ADAMTSL3: variants seen among roughly 807,000 people sequenced by gnomAD.
The protein encoded by ADAMTSL3 is ADAMTS like 3.
Under a neutral mutation model 201.7 loss-of-function variants are expected in ADAMTSL3, and 128 were observed. The observed-to-expected ratio is 0.63, with a 90% confidence interval of 0.55 to 0.73. The LOEUF (loss-of-function observed/expected upper bound fraction) is 0.73, where lower values mean the gene tolerates loss of function less well. Among genes scored for constraint, ADAMTSL3 ranks in the 30% least tolerant of loss-of-function variants. The pLI, the probability that ADAMTSL3 is intolerant of heterozygous loss-of-function variation, is 0.00. For missense variants in ADAMTSL3, 1,990 were observed against 2,119.6 expected, an observed-to-expected ratio of 0.94 and a Z score of 1.20; for synonymous variants, 738 against 748.4, an observed-to-expected ratio of 0.99 and a Z score of 0.23.
At chr15:83,856,099 G>A (rs558640497) in intron 7 of ADAMTSL3, among the ~76,000 whole-genome samples, 2 of 150,852 alleles carry the variant, frequency 1.3e-5, no homozygotes, top group East Asian at 2.0e-4. Flanking sequence ...TTTCAAAAAC[G>A]ATGAGCTGTT....
rs2068036041 is a variant in ADAMTSL3, at chr15:84,013,338, G to A, written c.3974-1204G>A. Among the ~76,000 whole-genome samples, 3 of 152,200 alleles carry A rather than the reference G, an allele frequency of 2.0e-5. No individual in the cohort carries two copies. The South Asian group carries it at 6.2e-4, about 32-fold the overall frequency. On this transcript the variant is annotated intron_variant, in intron 23 of 29. Transcript: ENST00000286744. ...GGAGCACGCATTTTGCCTACTGTAAGGTGTGTTGCACATGTCATGATAATA... is the reference window on the plus strand; with the variant it reads ...GGAGCACGCATTTTGCCTACTGTAAAGTGTGTTGCACATGTCATGATAATA...
At chr15:83,767,825 G>T (rs1311498667) in intron 3 of ADAMTSL3, among the ~76,000 whole-genome samples, 1 of 152,190 alleles carries the variant, frequency 6.6e-6, no homozygotes, top group Admixed American at 6.5e-5. Flanking sequence ...CTCCAAGTCT[G>T]ATTAGTTGGC....
chr15:83,677,186 C>T (rs1017639036), intron 2 of ADAMTSL3, among the ~76,000 whole-genome samples: 1 of 152,120 alleles, frequency 6.6e-6, no homozygotes, highest in Admixed American at 6.5e-5. Context: ...TGTTTTGTGT[C>T]CAATAATATG....
At chr15:83,948,386 G>T (rs972125793) in intron 19 of ADAMTSL3, among the ~76,000 whole-genome samples, 13 of 145,838 alleles carry the variant, frequency 8.9e-5, no homozygotes, top group Non-Finnish European at 1.8e-4. Context: ...ACATTTACCA[G>T]CACACAAGTG....
chr15:83,804,715 T>C lies in ADAMTSL3; in HGVS notation c.363+20T>C. 3.9e-6 allele frequency: 6 copies of C among 1,555,760 alleles called. No individual in the cohort carries two copies. The highest frequency in any genetic ancestry group is 5.2e-6 in the Non-Finnish European group (6 of 1,146,054). On this transcript the variant is annotated intron_variant, in intron 5 of 29. Transcript: ENST00000286744. ...AATCATGTAAGTCATAAAATAAAAT[T>C]ATTTTATCCAATACAATATGTGCTT...
intron 23 of ADAMTSL3, among the ~76,000 whole-genome samples, chr15:84,005,870 T>C (rs2067885340): frequency 6.6e-6 from 1 of 152,212 alleles, no homozygotes; most frequent in Non-Finnish European, 1.5e-5. Flanking sequence ...ATGAGTTTAC[T>C]AGAGAAAAGA....
intron 19 of ADAMTSL3, among the ~76,000 whole-genome samples, chr15:83,949,455 C>T (rs193196893): frequency 4.2e-4 from 64 of 152,142 alleles, no homozygotes; most frequent in African/African-American, 1.4e-3. Context: ...ATTGTGAATA[C>T]GGCTGTGGTA....
chr15:83,849,207 G>A (rs2064560233), intron 7 of ADAMTSL3, among the ~76,000 whole-genome samples: 2 of 152,136 alleles, frequency 1.3e-5, no homozygotes, highest in Admixed American at 1.3e-4. Context: ...GCTCACTGCA[G>A]CCTCGACCTT....
At chr15:83,792,810 A>G (rs1378178768) in intron 4 of ADAMTSL3, among the ~76,000 whole-genome samples, 1 of 151,306 alleles carries the variant, frequency 6.6e-6, no homozygotes, top group Non-Finnish European at 1.5e-5. Context: ...AAAAAAAATC[A>G]TATGATCCAG....
intron 25 of ADAMTSL3, 139 bp downstream of exon 25, chr15:84,016,638 C>T: frequency 1.4e-6 from 1 of 711,064 alleles, no homozygotes; most frequent in South Asian, 2.0e-5. Context: ...TTTTTCTTGA[C>T]CCTCAGTCTT....
At chr15:83,672,758 T>C (rs949787812) in intron 2 of ADAMTSL3, among the ~76,000 whole-genome samples, 5 of 152,152 alleles carry the variant, frequency 3.3e-5, no homozygotes, top group Non-Finnish European at 7.3e-5. Context: ...GGTGGGACAT[T>C]TGCAACGTTG....
intron 7 of ADAMTSL3, among the ~76,000 whole-genome samples, chr15:83,844,099 C>T (rs1196658379): frequency 1.1e-4 from 16 of 152,186 alleles, no homozygotes; most frequent in Non-Finnish European, 1.5e-5. Context: ...TCAGGGCACA[C>T]GTGTGTGAGG....
intron 2 of ADAMTSL3, among the ~76,000 whole-genome samples, chr15:83,657,738 G>C (rs762523034): frequency 3.3e-5 from 5 of 152,212 alleles, no homozygotes; most frequent in Admixed American, 6.5e-5. Flanking sequence ...AGAGCCTGTA[G>C]GGGGCACTCA....
chr15:83,679,624 A>G (rs776080092), intron 2 of ADAMTSL3, among the ~76,000 whole-genome samples: 6 of 152,144 alleles, frequency 3.9e-5, no homozygotes, highest in Non-Finnish European at 5.9e-5. Flanking sequence ...ACAGTAGTTC[A>G]GTTCTCAAAC....
intron 16 of ADAMTSL3, among the ~76,000 whole-genome samples, chr15:83,919,029 C>A (rs1437724797): frequency 6.6e-6 from 1 of 152,156 alleles, no homozygotes; most frequent in African/African-American, 2.4e-5. Context: ...AGACTATTTT[C>A]TGAGCTGGTG....
chr15:83,894,697 T>A (rs976306805), intron 13 of ADAMTSL3, among the ~76,000 whole-genome samples: 6 of 152,136 alleles, frequency 3.9e-5, no homozygotes, highest in Non-Finnish European at 7.4e-5. Flanking sequence ...ATTCTACTTC[T>A]CTCCAAGAAA....
At chr15:83,661,275 G>T (rs1287519661) in intron 2 of ADAMTSL3, among the ~76,000 whole-genome samples, 1 of 151,588 alleles carries the variant, frequency 6.6e-6, no homozygotes, top group East Asian at 1.9e-4. Flanking sequence ...GCTCTTTTTT[G>T]GTTCCATATG....
chr15:83,857,924 T>TA (rs2064775046), intron 7 of ADAMTSL3, among the ~76,000 whole-genome samples: 2 of 152,204 alleles, frequency 1.3e-5, no homozygotes, highest in Admixed American at 1.3e-4. Flanking sequence ...ACTAGTGAGA[T>TA]AAAATATCAT....
chr15:83,903,055 A>G (rs1357375778), intron 15 of ADAMTSL3, among the ~76,000 whole-genome samples: 2 of 152,078 alleles, frequency 1.3e-5, no homozygotes, highest in Non-Finnish European at 2.9e-5. Context: ...ATTCATAATT[A>G]TGTATCTCAA....
Sources: gnomAD v4.1 joint callset for allele counts (sites outside exome capture counted in the v4.1 genomes callset) on GRCh38, gnomAD v4.1.1 for gene constraint, MANE v1.5 for transcripts, NCBI Gene and HGNC (gene_info 2026-07-23, HGNC 2026-07-21) for gene names.